The following CAND2 variants were observed in gnomAD, a reference collection of about 807,000 sequenced individuals.
CAND2 encodes cullin-associated NEDD8-dissociated protein 2.
In CAND2, 62 loss-of-function variants were observed where a neutral mutation model predicts 98.9. The ratio of observed to expected loss-of-function variants is 0.63; its 90% CI spans 0.51 to 0.77. The LOEUF (loss-of-function observed/expected upper bound fraction) is 0.77, where lower values mean the gene tolerates loss of function less well. Among genes scored for constraint, CAND2 ranks in the 30% least tolerant of loss-of-function variants. The pLI, the probability that CAND2 is intolerant of heterozygous loss-of-function variation, is 0.00. For missense variants in CAND2, 1,501 were observed against 1,655.2 expected (o/e 0.91, Z 1.62); for synonymous variants, 770 against 731.9 (o/e 1.05, Z -0.84).
At chr3:12,811,571 C>T (rs2124846374) in intron 5 of CAND2, among the ~76,000 whole-genome samples, 1 of 152,264 alleles carries the variant, frequency 6.6e-6, no homozygotes, top group South Asian at 2.1e-4. Context: ...CTGGACTAAG[C>T]TTTTTTATTT....
intron 11 of CAND2, among the ~76,000 whole-genome samples, chr3:12,823,457 G>C (rs145446768): frequency 7.0e-4 from 106 of 152,076 alleles, no homozygotes; most frequent in Non-Finnish European, 1.0e-3. Flanking sequence ...GGCTGGGCGC[G>C]GTGGCTCACG....
rs2061922543 is a variant in CAND2, at chr3:12,817,821, G to C, written c.2889G>C (p.Leu963=). 6.6e-7 allele frequency: 1 copy of C among 1,522,376 alleles called. No homozygotes were observed. The highest frequency in any genetic ancestry group is 8.8e-7 in the Non-Finnish European group (1 of 1,137,072). The allele number at this position is 1,522,376 out of a possible 1,614,324, so 94.3% of individuals were successfully genotyped here. ...TGGTGGCCGAGTGCATTGGGAAGCT[G>C]GTCCTTGTGAACCCTTCGTTCCTTC... ...RGVVAECIGK[L]VLVNPSFLLP... is the part of the protein sequence containing the mutation. The change falls in exon 10 of 15, where the codon CTG becomes CTC. Residue 963 remains leucine, a synonymous_variant. Transcript: ENST00000456430.
At chr3:12,820,308 AG>A in intron 11 of CAND2, 127 bp downstream of exon 11, 3 of 653,856 alleles carry the variant, frequency 4.6e-6, no homozygotes, top group Non-Finnish European at 5.2e-6. Context: ...CATGATGGGC[AG>A]CAGGGCCTGG....
At chr3:12,818,951 C>T (rs184299860) in intron 10 of CAND2, among the ~76,000 whole-genome samples, 119 of 152,328 alleles carry the variant, frequency 7.8e-4, no homozygotes, top group African/African-American at 2.2e-3. Flanking sequence ...TTCTATCTCA[C>T]GTGCACTGTT....
intron 11 of CAND2, among the ~76,000 whole-genome samples, chr3:12,823,367 A>G (rs6801182): frequency 0.73 from 109,423 of 150,778 alleles, 40,733 homozygotes; most frequent in African/African-American, 0.9. Flanking sequence ...GAGGCGGGAG[A>G]ATAACCTGAG....
rs973806981 is a variant in CAND2 at position 12,815,053 on chromosome 3, G to A, written c.1007-88G>A. The A allele has an allele frequency of 1.3e-5, 18 of 1,359,742 alleles. No individual in the cohort carries two copies. The highest frequency in any genetic ancestry group is 1.7e-5 in the Non-Finnish European group (17 of 982,312). 84.2% of individuals were successfully genotyped at this position (1,359,742 alleles called of 1,614,324 possible). Reference sequence around the variant, plus strand: ...ATCAAAAAGTGAAGCACAGTGCCCAGCTCTCTCTCCTCCCTGTCCCTTCTC... The same window carrying A: ...ATCAAAAAGTGAAGCACAGTGCCCAACTCTCTCTCCTCCCTGTCCCTTCTC... On this transcript the variant is annotated intron_variant, in intron 7 of 14. Coordinates refer to ENST00000456430, the MANE Select transcript of CAND2 (RefSeq NM_001162499.2). The surrounding 1 kb of genome is among the most constrained non-coding windows in gnomAD (Gnocchi z 5.7).
At chr3:12,827,342 C>A in intron 12 of CAND2, 98 bp from the exon 13 acceptor site, 1 of 1,196,630 alleles carries the variant, frequency 8.4e-7, no homozygotes, top group Non-Finnish European at 1.2e-6. Flanking sequence ...TTGGGGCTGG[C>A]ATGGATTGTG....
chr3:12,811,893 T>C (rs921158902), intron 5 of CAND2, among the ~76,000 whole-genome samples: 3 of 151,152 alleles, frequency 2.0e-5, no homozygotes, highest in Non-Finnish European at 4.4e-5. Flanking sequence ...TGGACTAAGC[T>C]TTTTTAACTT....
At chr3:12,797,777 C>T (rs550778008) in intron 1 of CAND2, among the ~76,000 whole-genome samples, 106 of 139,242 alleles carry the variant, frequency 7.6e-4, no homozygotes, top group Admixed American at 1.3e-3. Flanking sequence ...TCAGTCACAG[C>T]GAGGAAGTGG....
In CAND2 at chr3:12,816,846, C is replaced by T. The variant is rs532582492; in HGVS notation, c.1914C>T (p.Ala638=). 3.8e-5 allele frequency: 62 copies of T among 1,613,674 alleles called. No individual in the cohort carries two copies. Among genetic ancestry groups the T allele is most frequent in the Middle Eastern group, 3.3e-4 (2 of 6,084 alleles). The change falls in exon 10 of 15, where the codon GCC becomes GCT. Residue 638 remains alanine, a synonymous_variant. Coordinates refer to ENST00000456430, the MANE Select transcript of CAND2 (RefSeq NM_001162499.2). ...LPAIKALTLV[A]VSPLQLDLQP... is the part of the protein sequence containing the mutation. ...CCATCAAGGCGCTTACGCTGGTGGC[C>T]GTATCCCCACTACAGCTTGACCTAC...
Position 12,816,596 on chromosome 3 carries a change from T to G in CAND2, c.1664T>G (p.Leu555Arg), listed in dbSNP as rs780331728. 80 of 1,613,744 alleles carry G rather than the reference T, an allele frequency of 5.0e-5. 1 individual carries two copies. The highest frequency in any genetic ancestry group is 6.8e-5 in the Non-Finnish European group (80 of 1,180,022). Residue 555 changes from leucine (L) to arginine (R), a missense_variant, in exon 10 of 15, where the codon CTG becomes CGG. Physicochemically the swap from Leu to Arg is moderately radical, Grantham distance 102 (BLOSUM62 -2). This residue lies in a region of CAND2 where 1,427 missense variants were observed against 1,545.3 expected (regional missense o/e 0.92). Coordinates refer to ENST00000456430, the MANE Select transcript of CAND2 (RefSeq NM_001162499.2). Reference sequence around the variant, plus strand: ...GAGCTGGTGCGGGCCCTGTGGCCGCTGCACAGGCCTCGGATGCTGGATCCT... The same window carrying G: ...GAGCTGGTGCGGGCCCTGTGGCCGCGGCACAGGCCTCGGATGCTGGATCCT... ...LQELVRALWP[L>R]HRPRMLDPEP...
In CAND2 at chr3:12,808,110, G is replaced by A. The variant is rs1360113488; in HGVS notation, c.368-100G>A. ...GAGCCCTGGTAAGATTCCCGGGGAT[G>A]TGGGCTCAGGAACACAGCCAGAGCA... is the stretch of plus-strand genomic sequence containing the variant. On this transcript the variant is annotated intron_variant, in intron 3 of 14. Transcript: ENST00000456430. 3.5e-6 allele frequency: 5 copies of A among 1,438,378 alleles called. No individual in the cohort carries two copies. In the Admixed American group the frequency reaches 1.0e-4, roughly 30 times the overall value. 89.1% of individuals were successfully genotyped at this position (1,438,378 alleles called of 1,614,324 possible).
In CAND2 at chr3:12,834,038, G is replaced by A. The variant is rs943012953; in HGVS notation, c.*56G>A. 1.3e-5 allele frequency: 18 copies of A among 1,420,466 alleles called. No homozygotes were observed. The highest frequency in any genetic ancestry group is 3.4e-5 in the Admixed American group (2 of 58,772). The allele number at this position is 1,420,466 out of a possible 1,614,324, so 88.0% of individuals were successfully genotyped here. ...AAGAGAAAGGAGCCCACCCAAGTCC[G>A]AGGCCTCCCCATCCCACCATCGCAG... On this transcript the variant is annotated 3_prime_UTR_variant, in exon 15 of 15. Transcript: ENST00000456430.
intron 9 of CAND2, 97 bp from the exon 10 acceptor site, chr3:12,816,277 C>G: frequency 8.0e-7 from 1 of 1,242,988 alleles, no homozygotes; most frequent in Non-Finnish European, 1.1e-6. Context: ...GTGCTTCAGT[C>G]CAGCTCAGGC....
chr3:12,819,144 G>T (rs759315485), intron 10 of CAND2, among the ~76,000 whole-genome samples: 32 of 152,264 alleles, frequency 2.1e-4, no homozygotes, highest in Middle Eastern at 3.4e-3. Flanking sequence ...CTTGTTTTCA[G>T]TTCACTTAAT....
At chr3:12,812,469 A>G (rs1349378199) in intron 5 of CAND2, among the ~76,000 whole-genome samples, 2 of 137,770 alleles carry the variant, frequency 1.5e-5, no homozygotes, top group African/African-American at 2.9e-5. Flanking sequence ...CAGTGGCGCA[A>G]TCTCGGCTCA....
At position 12,833,802 on chromosome 3, in the gene CAND2, G is replaced by C. The variant is rs779562361; in HGVS notation, c.3531G>C (p.Leu1177=). 1.2e-5 allele frequency: 19 copies of C among 1,614,204 alleles called. No homozygotes were observed. Among genetic ancestry groups the C allele is most frequent in the Non-Finnish European group, 1.4e-5 (17 of 1,180,040 alleles). ...AGGAGTTTGAAAAGCAAGATGAACTGAAGCGCTCTGCAATGAGGGCAGTGG... is the reference window on the plus strand; with the variant it reads ...AGGAGTTTGAAAAGCAAGATGAACTCAAGCGCTCTGCAATGAGGGCAGTGG... ...VKQEFEKQDE[L]KRSAMRAVAA... Residue 1177 remains leucine (L), a synonymous_variant, in exon 15 of 15, where the codon CTG becomes CTC. Coordinates refer to ENST00000456430, the MANE Select transcript of CAND2 (RefSeq NM_001162499.2).
intron 1 of CAND2, among the ~76,000 whole-genome samples, chr3:12,797,310 C>T (rs2061734044): frequency 6.6e-6 from 1 of 151,786 alleles, no homozygotes; most frequent in Non-Finnish European, 1.5e-5. Flanking sequence ...TTCTCACTGG[C>T]ACCCTCAGTG....
At chr3:12,807,056 T>G (rs1162283895) in intron 2 of CAND2, 1 of 403,278 alleles carries the variant, frequency 2.5e-6, no homozygotes, top group East Asian at 4.2e-5. Context: ...TTGAGAACCC[T>G]TGTTCTGGAG....
Sources: allele counts gnomAD v4.1 joint callset (sites outside exome capture counted in the v4.1 genomes callset), GRCh38; gene constraint gnomAD v4.1.1; regional missense constraint gnomAD v4.1.1; non-coding constraint Gnocchi (gnomAD v3.1); transcripts MANE v1.5; gene names NCBI Gene and HGNC (gene_info 2026-07-23, HGNC 2026-07-21).